PPP3CA: variants seen among roughly 807,000 people sequenced by gnomAD.
The protein encoded by PPP3CA is protein phosphatase 3 catalytic subunit alpha.
PPP3CA carries 14 observed loss-of-function variants against 66.5 expected under a neutral mutation model. The observed-to-expected ratio is 0.21, with a 90% CI of 0.14 to 0.33. PPP3CA has a LOEUF of 0.33. Among genes scored for constraint, PPP3CA ranks in the 10% least tolerant of loss-of-function variants. PPP3CA has a pLI of 1.00. For synonymous variants in PPP3CA, 232 were observed against 226.2 expected, an observed-to-expected ratio of 1.03 and a Z score of -0.23; for missense variants, 317 against 639.5, an observed-to-expected ratio of 0.50 and a Z score of 5.44.
intron 1 of PPP3CA, among the ~76,000 whole-genome samples, chr4:101,235,820 C>T (rs1388410727): frequency 6.6e-6 from 1 of 151,714 alleles, no homozygotes; most frequent in Non-Finnish European, 1.5e-5. Context: ...AATATTAACT[C>T]ATAACAGATA....
intron 1 of PPP3CA, among the ~76,000 whole-genome samples, chr4:101,324,898 A>G (rs985457906): frequency 3.9e-5 from 6 of 152,224 alleles, no homozygotes; most frequent in African/African-American, 1.2e-4. Context: ...TATATGATTT[A>G]CAAGTTGAAA....
At chr4:101,040,746 G>A (rs975581110) in intron 10 of PPP3CA, among the ~76,000 whole-genome samples, 180 bp from the exon 11 acceptor site, 9 of 152,008 alleles carry the variant, frequency 5.9e-5, no homozygotes, top group African/African-American at 2.2e-4. Context: ...CCAATACTAG[G>A]ATGTGATTTT....
chr4:101,262,270 A>G (rs1232760164), intron 1 of PPP3CA, among the ~76,000 whole-genome samples: 2 of 152,088 alleles, frequency 1.3e-5, no homozygotes, highest in Non-Finnish European at 2.9e-5. Context: ...AAGAGTATAT[A>G]CAAACCCCTC....
chr4:101,335,255 T>G (rs182018800), intron 1 of PPP3CA, among the ~76,000 whole-genome samples: 1 of 152,070 alleles, frequency 6.6e-6, no homozygotes, highest in Non-Finnish European at 1.5e-5. Context: ...TTTACTACAT[T>G]TGCCAAATTC....
chr4:101,339,409 G>T (rs1463891033), intron 1 of PPP3CA, among the ~76,000 whole-genome samples: 9 of 152,196 alleles, frequency 5.9e-5, no homozygotes, highest in Non-Finnish European at 1.3e-4. Flanking sequence ...CAGCTGTCAG[G>T]TTCAAGCAAA....
intron 1 of PPP3CA, among the ~76,000 whole-genome samples, chr4:101,310,719 A>G (rs1728694985): frequency 6.6e-6 from 1 of 152,228 alleles, no homozygotes; most frequent in Non-Finnish European, 1.5e-5. Context: ...TTTAATTTTG[A>G]AAAGTGAAAC....
chr4:101,281,691 ACTC>A (rs1241762822), intron 1 of PPP3CA, among the ~76,000 whole-genome samples: 1 of 152,210 alleles, frequency 6.6e-6, no homozygotes, highest in African/African-American at 2.4e-5. Context: ...TCAGCATCCA[ACTC>A]AACTAAGTCA....
chr4:101,346,877 A>ACAACGCCGC lies in PPP3CA; in HGVS notation c.-82_-81insGCGGCGTTG, dbSNP rs546755954. 3 of 1,292,942 alleles carry ACAACGCCGC rather than the reference A, an allele frequency of 2.3e-6. No homozygotes were observed. The highest frequency in any genetic ancestry group is 1.3e-5 in the South Asian group (1 of 76,236). The allele number at this position is 1,292,942 out of a possible 1,614,324, so 80.1% of individuals were successfully genotyped here. A position where few individuals can be genotyped will look rare whatever the true frequency, so the allele number is the denominator to read the frequency against. ...ACCGGACCGGCGGGCCAGACACTCA[A>ACAACGCCGC]CGCCGCCGCCGCCGCCGCCGCCGCC... On this transcript the variant is annotated 5_prime_UTR_variant, in exon 1 of 14. Transcript: ENST00000394854.
intron 1 of PPP3CA, among the ~76,000 whole-genome samples, chr4:101,327,153 T>C (rs559744457): frequency 6.6e-6 from 1 of 152,338 alleles, no homozygotes; most frequent in South Asian, 2.1e-4. Flanking sequence ...TTATTTAAAA[T>C]AGTGAATGTA....
intron 13 of PPP3CA, among the ~76,000 whole-genome samples, chr4:101,027,141 C>T (rs1726693891): frequency 6.6e-6 from 1 of 152,072 alleles, no homozygotes. Flanking sequence ...TTGCTTTACT[C>T]CCTGTGAAGT....
At chr4:101,321,925 G>C (rs1370169671) in intron 1 of PPP3CA, among the ~76,000 whole-genome samples, 5 of 152,150 alleles carry the variant, frequency 3.3e-5, no homozygotes, top group African/African-American at 7.2e-5. Context: ...TCACTGCAAA[G>C]ACCATTTATA....
rs181905288 is a variant in PPP3CA, at chr4:101,166,365, C to T, written c.259+29551G>A. On this transcript the variant is annotated intron_variant, in intron 2 of 13. Transcript: ENST00000394854. ...CAGTGCAACGCACCGTTCCTCCAAC[C>T]CAAAAAGCAGATTTTTATCATGCAA... 2.3e-4 allele frequency among the ~76,000 whole-genome samples: 35 copies of T among 152,162 alleles called. No homozygotes were observed. In the East Asian group the frequency reaches 6.6e-3, roughly 29 times the overall value.
chr4:101,262,476 T>C (rs1230473353), intron 1 of PPP3CA, among the ~76,000 whole-genome samples: 1 of 152,124 alleles, frequency 6.6e-6, no homozygotes, highest in Non-Finnish European at 1.5e-5. Context: ...TAGCAACAAG[T>C]GGATGCTTAT....
intron 8 of PPP3CA, among the ~76,000 whole-genome samples, chr4:101,072,840 G>C (rs949396806): frequency 6.6e-6 from 1 of 151,204 alleles, no homozygotes; most frequent in African/African-American, 2.4e-5. Flanking sequence ...GGAGGCTGAG[G>C]CAGGAGAATG....
chr4:101,320,643 G>C (rs773706298), intron 1 of PPP3CA, among the ~76,000 whole-genome samples: 1 of 152,064 alleles, frequency 6.6e-6, no homozygotes, highest in Admixed American at 6.5e-5. Context: ...TAAAAACCTT[G>C]CCTAAAACAT....
intron 1 of PPP3CA, among the ~76,000 whole-genome samples, chr4:101,313,936 TC>T (rs1728803114): frequency 6.6e-6 from 1 of 152,204 alleles, no homozygotes; most frequent in Non-Finnish European, 1.5e-5. Flanking sequence ...GGGGAACTGA[TC>T]CCAAAAGATC....
At chr4:101,272,685 G>A (rs903786084) in intron 1 of PPP3CA, among the ~76,000 whole-genome samples, 5 of 152,170 alleles carry the variant, frequency 3.3e-5, no homozygotes, top group African/African-American at 1.2e-4. Flanking sequence ...TACCTCATGA[G>A]ATTAAATGCA....
chr4:101,096,410 A>G (rs1716712941), intron 5 of PPP3CA, among the ~76,000 whole-genome samples: 1 of 152,186 alleles, frequency 6.6e-6, no homozygotes, highest in South Asian at 2.1e-4. Context: ...GAAAATGGTT[A>G]TTCATTTTGT....
At chr4:101,296,360 T>A (rs1315483772) in intron 1 of PPP3CA, among the ~76,000 whole-genome samples, 1 of 152,106 alleles carries the variant, frequency 6.6e-6, no homozygotes, top group African/African-American at 2.4e-5. Context: ...ATGTGAAAAA[T>A]TTTCAGATTA....
Sources: gnomAD v4.1 joint callset for allele counts (sites outside exome capture counted in the v4.1 genomes callset) on GRCh38, gnomAD v4.1.1 for gene constraint, MANE v1.5 for transcripts, NCBI Gene and HGNC (gene_info 2026-07-23, HGNC 2026-07-21) for gene names.